Variants in STAM observed in about 807,000 individuals in gnomAD.
STAM encodes signal transducing adapter molecule 1.
In STAM, 16 loss-of-function variants were observed where a neutral mutation model predicts 63.4. The observed-to-expected ratio is 0.25, with a 90% CI of 0.17 to 0.38. The LOEUF (loss-of-function observed/expected upper bound fraction) is 0.38. STAM is among the 10% of genes least tolerant of loss of function. STAM has a pLI of 1.00. For missense variants in STAM, 636 were observed against 657.1 expected (o/e 0.97, Z 0.35); for synonymous variants, 238 against 223.9 (o/e 1.06, Z -0.56).
Position 17,715,053 on chromosome 10 carries a change from A to G in STAM, c.*273A>G, listed in dbSNP as rs1836755063. 2 of 428,178 alleles carry G rather than the reference A, an allele frequency of 4.7e-6. No homozygotes were observed. Among genetic ancestry groups the G allele is most frequent in the Non-Finnish European group, 4.3e-6 (1 of 230,046 alleles). 26.5% of individuals were successfully genotyped at this position (428,178 alleles called of 1,614,324 possible). ...TGATACAAGGCTATTTGTCTCGTAA[A>G]CCTGGTCTGCAGAAAGTCAAACTTA... On this transcript the variant is annotated 3_prime_UTR_variant, in exon 14 of 14. Coordinates refer to ENST00000377524, the MANE Select transcript of STAM (RefSeq NM_003473.4).
intron 2 of STAM, among the ~76,000 whole-genome samples, chr10:17,661,765 T>C (rs545892858): frequency 1.3e-5 from 2 of 152,348 alleles, no homozygotes; most frequent in South Asian, 4.1e-4. Context: ...TAAAGTCTCC[T>C]TAATCAAGTT....
chr10:17,706,820 G>C (rs1554829317), intron 12 of STAM, among the ~76,000 whole-genome samples: 1 of 151,976 alleles, frequency 6.6e-6, no homozygotes. Context: ...AACACAAAAT[G>C]CTTTTAGAGC....
intron 7 of STAM, among the ~76,000 whole-genome samples, chr10:17,696,449 C>T (rs1385555524): frequency 6.6e-6 from 1 of 152,060 alleles, no homozygotes; most frequent in Non-Finnish European, 1.5e-5. Flanking sequence ...CTTTATAGCT[C>T]ATTACAAAGA....
chr10:17,675,886 C>T lies in STAM; in HGVS notation c.126-8789C>T, dbSNP rs1384774306. On this transcript the variant is annotated intron_variant, in intron 2 of 13. Coordinates refer to ENST00000377524, the MANE Select transcript of STAM (RefSeq NM_003473.4). ...ACCTAATTAGATTAATCCAAAGGGC[C>T]GGTATCCTTTTGCACTGATACCTAC... Among the ~76,000 whole-genome samples, 9 of 152,124 alleles carry T rather than the reference C, an allele frequency of 5.9e-5. No individual in the cohort carries two copies. The South Asian group carries it at 1.0e-3, about 18-fold the overall frequency.
At chr10:17,662,539 A>G (rs1449119887) in intron 2 of STAM, among the ~76,000 whole-genome samples, 1 of 152,200 alleles carries the variant, frequency 6.6e-6, no homozygotes, top group Non-Finnish European at 1.5e-5. Flanking sequence ...ATATAAACCT[A>G]GTAGATTTGT....
intron 1 of STAM, among the ~76,000 whole-genome samples, chr10:17,645,554 T>C (rs3780960): frequency 0.14 from 21,442 of 152,102 alleles, 1,790 homozygotes; most frequent in East Asian, 0.26. Context: ...CATTCCATTC[T>C]GCAGTTAAAT....
chr10:17,694,050 CT>C (rs1185997621), intron 6 of STAM, among the ~76,000 whole-genome samples: 1 of 151,882 alleles, frequency 6.6e-6, no homozygotes. Flanking sequence ...AGACTGAGTT[CT>C]TTTTTTGTAT....
At chr10:17,676,700 T>C (rs2031514) in intron 2 of STAM, among the ~76,000 whole-genome samples, 73,340 of 151,922 alleles carry the variant, frequency 0.48, 18,008 homozygotes, top group Middle Eastern at 0.62. Flanking sequence ...GTTAACACCA[T>C]CTTTCACTCG....
intron 1 of STAM, among the ~76,000 whole-genome samples, chr10:17,654,211 A>ATTG (rs1833849341): frequency 6.9e-6 from 1 of 144,482 alleles, no homozygotes; most frequent in South Asian, 2.2e-4. Flanking sequence ...ACCAGGTATT[A>ATTG]TTGTTATTAT....
At chr10:17,664,056 A>G (rs1170287881) in intron 2 of STAM, among the ~76,000 whole-genome samples, 1 of 151,282 alleles carries the variant, frequency 6.6e-6, no homozygotes, top group African/African-American at 2.4e-5. Context: ...GCAAAAGTTC[A>G]CTTTTTTCTT....
At position 17,714,046 on chromosome 10, in the gene STAM, C is replaced by T. The variant is rs1836686415; in HGVS notation, c.1386-497C>T. ...GTTTTCTCTCCTCAAAGGCTTCTTTCTGTTTACCTGAAATGTACTTTCCTA... is the reference window on the plus strand; with the variant it reads ...GTTTTCTCTCCTCAAAGGCTTCTTTTTGTTTACCTGAAATGTACTTTCCTA... On this transcript the variant is annotated intron_variant, in intron 13 of 13. Coordinates refer to ENST00000377524, the MANE Select transcript of STAM (RefSeq NM_003473.4). Among the ~76,000 whole-genome samples the T allele has an allele frequency of 2.0e-5, 3 of 152,210 alleles. No individual in the cohort carries two copies. In the South Asian group the frequency reaches 6.2e-4, roughly 31 times the overall value.
intron 2 of STAM, among the ~76,000 whole-genome samples, chr10:17,671,094 A>G (rs967374151): frequency 7.9e-5 from 12 of 152,292 alleles, no homozygotes; most frequent in African/African-American, 2.2e-4. Context: ...TATTTAGTTC[A>G]TTCAGCAAAG....
intron 2 of STAM, among the ~76,000 whole-genome samples, chr10:17,667,368 C>T (rs2131595585): frequency 1.3e-5 from 2 of 152,246 alleles, no homozygotes; most frequent in Middle Eastern, 6.8e-3. Context: ...GTGATCTGCC[C>T]TCCTCAGCCT....
chr10:17,651,747 T>C (rs543292822), intron 1 of STAM, among the ~76,000 whole-genome samples: 3 of 152,346 alleles, frequency 2.0e-5, no homozygotes, highest in African/African-American at 7.2e-5. Flanking sequence ...TTTTGAAGAA[T>C]TGATTTGCAA....
chr10:17,705,131 A>AGAGTTGGTTCCTCC, intron 11 of STAM, 107 bp downstream of exon 11: 1 of 864,418 alleles, frequency 1.2e-6, no homozygotes, highest in Non-Finnish European at 1.9e-6. Context: ...ATTGTGGAGG[A>AGAGTTGGTTCCTCC]ACCAACTCTC....
At position 17,693,251 on chromosome 10, in the gene STAM, T is replaced by C. The variant is rs1251070741; in HGVS notation, c.474T>C (p.Ala158=). 1 of 1,613,646 alleles carries C rather than the reference T, an allele frequency of 6.2e-7. No individual in the cohort carries two copies. The highest frequency in any genetic ancestry group is 8.5e-7 in the Non-Finnish European group (1 of 1,179,900). The change falls in exon 6 of 14, where the codon GCT becomes GCC. Residue 158 remains alanine, a synonymous_variant. Coordinates refer to ENST00000377524, the MANE Select transcript of STAM (RefSeq NM_003473.4). Reference sequence around the variant, plus strand: ...CAGAACAAGCAAAAGCAAGCCCAGCTCTTGTAGCCAAGGATCCTGGTACTG... The same window carrying C: ...CAGAACAAGCAAAAGCAAGCCCAGCCCTTGTAGCCAAGGATCCTGGTACTG... ...QAAEQAKASP[A]LVAKDPGTVA... is the part of the protein sequence containing the mutation.
At chr10:17,700,381 A>G in intron 9 of STAM, 102 bp downstream of exon 9, 6 of 874,580 alleles carry the variant, frequency 6.9e-6, no homozygotes, top group South Asian at 6.6e-5. Context: ...TGTTGTAAAA[A>G]TTTTTGTATT....
At chr10:17,649,524 T>TA (rs1833654989) in intron 1 of STAM, among the ~76,000 whole-genome samples, 1 of 152,208 alleles carries the variant, frequency 6.6e-6, no homozygotes, top group Admixed American at 6.5e-5. Context: ...GTGTGGAATA[T>TA]AAACTCCATT....
chr10:17,710,136 G>A (rs1564574893), intron 13 of STAM, among the ~76,000 whole-genome samples: 1 of 151,926 alleles, frequency 6.6e-6, no homozygotes, highest in Non-Finnish European at 1.5e-5. Context: ...AGCTATTTTA[G>A]TATTAGCCGG....
Sources: allele counts gnomAD v4.1 joint callset (sites outside exome capture counted in the v4.1 genomes callset), GRCh38; gene constraint gnomAD v4.1.1; transcripts MANE v1.5; gene names NCBI Gene and HGNC (gene_info 2026-07-23, HGNC 2026-07-21).